Variants in RELN observed in about 807,000 individuals in gnomAD.
RELN encodes the protein reelin.
A neutral mutation model predicts 427.6 loss-of-function variants in RELN; 108 were observed. That is an observed-to-expected ratio of 0.25 (90% CI 0.22 to 0.30). The LOEUF (loss-of-function observed/expected upper bound fraction) is 0.30, where lower values mean the gene tolerates loss of function less well. RELN is among the 10% of genes least tolerant of loss of function. The probability of loss-of-function intolerance (pLI) is 1.00; values close to 1 mark genes in which losing one functional copy is unlikely to be tolerated. For synonymous variants in RELN, 1,524 were observed against 1,513.4 expected, an observed-to-expected ratio of 1.01 and a Z score of -0.16; for missense variants, 3,715 against 4,302.8, an observed-to-expected ratio of 0.86 and a Z score of 3.82.
chr7:103,550,934 A>G, intron 41 of RELN, 133 bp downstream of exon 41: 4 of 761,154 alleles, frequency 5.3e-6, no homozygotes, highest in Non-Finnish European at 9.1e-6. Context: ...TTAAATATCC[A>G]CTGATCTGCT....
intron 36 of RELN, among the ~76,000 whole-genome samples, 179 bp downstream of exon 36, chr7:103,561,353 T>C (rs990579143): frequency 3.9e-5 from 6 of 152,200 alleles, no homozygotes; most frequent in African/African-American, 1.4e-4. Flanking sequence ...TATGCCCAAG[T>C]AATCATGAAA....
At chr7:103,502,811 C>T (rs574972067) in intron 52 of RELN, among the ~76,000 whole-genome samples, 5 of 152,212 alleles carry the variant, frequency 3.3e-5, no homozygotes, top group Admixed American at 2.6e-4. Context: ...CCCATATTGC[C>T]AAGTCTGAGG....
chr7:103,493,553 A>G (rs768846732), intron 57 of RELN, among the ~76,000 whole-genome samples: 1 of 152,174 alleles, frequency 6.6e-6, no homozygotes, highest in African/African-American at 2.4e-5. Context: ...GCTCTTCAAG[A>G]TATGATTCTT....
At chr7:103,672,302 T>C (rs1027955682) in intron 11 of RELN, among the ~76,000 whole-genome samples, 1 of 152,106 alleles carries the variant, frequency 6.6e-6, no homozygotes, top group Non-Finnish European at 1.5e-5. Context: ...ACAGTTACTA[T>C]GGGGCTGGGG....
chr7:103,971,491 C>A (rs1796764564), intron 1 of RELN, among the ~76,000 whole-genome samples: 1 of 152,096 alleles, frequency 6.6e-6, no homozygotes. Flanking sequence ...ATTATTCAAC[C>A]TTTCTAGTAA....
At chr7:103,898,234 CTG>C (rs1184513369) in intron 2 of RELN, among the ~76,000 whole-genome samples, 5 of 151,876 alleles carry the variant, frequency 3.3e-5, no homozygotes, top group Non-Finnish European at 4.4e-5. Context: ...AATTTCTAAA[CTG>C]TCTTTATTTC....
intron 1 of RELN, among the ~76,000 whole-genome samples, chr7:103,954,133 G>A (rs567056613): frequency 2.1e-4 from 32 of 152,036 alleles, no homozygotes; most frequent in Non-Finnish European, 4.3e-4. Flanking sequence ...GGTGGCAGGC[G>A]TCTGTAATCC....
chr7:103,825,123 C>A (rs1386569950), intron 3 of RELN, among the ~76,000 whole-genome samples: 1 of 152,038 alleles, frequency 6.6e-6, no homozygotes, highest in African/African-American at 2.4e-5. Flanking sequence ...TGCTCATTTT[C>A]ATATTAATAG....
At position 103,903,274 on chromosome 7, in the gene RELN, GTT is replaced by G. The variant is rs200223959; in HGVS notation, c.337+13799_337+13800del. On this transcript the variant is annotated intron_variant, in intron 2 of 64. Transcript: ENST00000428762. ...CAGCAAAGACCCATGATTCCTAAGT[GTT>G]TTTTTTTTTTTCCTCAATTCGTATT... 3.6e-3 allele frequency among the ~76,000 whole-genome samples: 517 copies of G among 142,838 alleles called. 9 individuals are homozygous for G. The East Asian group carries it at 0.055, about 15-fold the overall frequency. 93.7% of individuals were successfully genotyped at this position (142,838 alleles called of 152,430 possible).
At chr7:103,801,727 A>AT (rs34298039) in intron 3 of RELN, among the ~76,000 whole-genome samples, 2 of 76,622 alleles carry the variant, frequency 2.6e-5, no homozygotes, top group East Asian at 4.6e-4. Flanking sequence ...CTTAAAGTAT[A>AT]AAAAAAAAAA....
intron 15 of RELN, 132 bp from the exon 16 acceptor site, chr7:103,650,515 T>C (rs1187448018): frequency 1.4e-6 from 1 of 721,516 alleles, no homozygotes; most frequent in East Asian, 2.7e-5. Context: ...ACTCTTTAAA[T>C]TCACTTGTGG....
intron 3 of RELN, among the ~76,000 whole-genome samples, chr7:103,825,443 A>C (rs1020946971): frequency 6.6e-6 from 1 of 152,156 alleles, no homozygotes; most frequent in African/African-American, 2.4e-5. Flanking sequence ...CTGGCAAATA[A>C]AACTAAAATG....
At position 103,496,552 on chromosome 7, in the gene RELN, C is replaced by T; in HGVS notation, c.9167G>A (p.Ser3056Asn). ...ATCATCAAAAGTGTCCACCAATTGG[C>T]TGGGATTGATTTCTGCTCCACCAAT... ...ILIGGAEINP[S>N]QLVDTFDDEG... Residue 3056 changes from serine (S) to asparagine (N), a missense_variant, in exon 56 of 65, where the codon AGC becomes AAC. Ser to Asn is a conservative substitution (Grantham distance 46). Transcript: ENST00000428762. 1 of 1,614,080 alleles carries T rather than the reference C, an allele frequency of 6.2e-7. No homozygotes were observed. Among genetic ancestry groups the T allele is most frequent in the Non-Finnish European group, 8.5e-7 (1 of 1,179,992 alleles).
intron 18 of RELN, among the ~76,000 whole-genome samples, chr7:103,635,891 G>A (rs1206549226): frequency 2.0e-5 from 3 of 152,056 alleles, no homozygotes. Flanking sequence ...TTAGACACTG[G>A]GGGAAGGGAA....
chr7:103,678,606 T>C (rs1833589727), intron 11 of RELN, among the ~76,000 whole-genome samples: 1 of 152,314 alleles, frequency 6.6e-6, no homozygotes, highest in Non-Finnish European at 1.5e-5. Context: ...AGAAAAGCCA[T>C]AATGGCTTAC....
intron 45 of RELN, 50 bp downstream of exon 45, chr7:103,539,028 G>A (rs747488400): frequency 6.2e-7 from 1 of 1,609,302 alleles, no homozygotes; most frequent in South Asian, 1.1e-5. Flanking sequence ...GGCAGCCACA[G>A]AAGCTCATGC....
chr7:103,735,301 T>A (rs2115976276), intron 6 of RELN, among the ~76,000 whole-genome samples: 1 of 152,298 alleles, frequency 6.6e-6, no homozygotes, highest in South Asian at 2.1e-4. Flanking sequence ...GACAAAGTAT[T>A]ACATATGATG....
At chr7:103,876,797 G>T (rs1794490438) in intron 2 of RELN, among the ~76,000 whole-genome samples, 1 of 150,502 alleles carries the variant, frequency 6.6e-6, no homozygotes, top group Non-Finnish European at 1.5e-5. Flanking sequence ...TTAAAAAAAA[G>T]AATGAAAAAC....
Position 103,882,434 on chromosome 7 carries a change from G to T in RELN, c.337+34641C>A, listed in dbSNP as rs551836979. Among the ~76,000 whole-genome samples the T allele has an allele frequency of 5.3e-5, 8 of 152,170 alleles. No homozygotes were observed. In the South Asian group the frequency reaches 1.7e-3, roughly 32 times the overall value. Reference sequence around the variant, plus strand: ...TCCCTATCAATATATCCAGGCTTTAGTTCTCATCAATTTGGGTCCGTAAAT... The same window carrying T: ...TCCCTATCAATATATCCAGGCTTTATTTCTCATCAATTTGGGTCCGTAAAT... On this transcript the variant is annotated intron_variant, in intron 2 of 64. Transcript: ENST00000428762.
Sources: gnomAD v4.1 joint callset for allele counts (sites outside exome capture counted in the v4.1 genomes callset) on GRCh38, gnomAD v4.1.1 for gene constraint, MANE v1.5 for transcripts, NCBI Gene and HGNC (gene_info 2026-07-23, HGNC 2026-07-21) for gene names.